HIVEP1: variants seen among roughly 807,000 people sequenced by gnomAD.
The protein encoded by HIVEP1 is HIVEP zinc finger 1.
Under a neutral mutation model 180.0 loss-of-function variants are expected in HIVEP1, and 36 were observed. The observed-to-expected ratio is 0.20, with a 90% confidence interval of 0.15 to 0.26. The LOEUF (loss-of-function observed/expected upper bound fraction) is 0.26, where lower values mean the gene tolerates loss of function less well. Ranked by LOEUF, HIVEP1 falls within the 10% of genes least tolerant of loss-of-function variation. The probability of loss-of-function intolerance (pLI) is 1.00; values close to 1 mark genes in which losing one functional copy is unlikely to be tolerated. For missense variants in HIVEP1, 3,143 were observed against 3,268.7 expected, an observed-to-expected ratio of 0.96 and a Z score of 0.94; for synonymous variants, 1,239 against 1,239.0, an observed-to-expected ratio of 1.00 and a Z score of 0.00.
At chr6:12,085,496 T>A (rs1439906738) in intron 2 of HIVEP1, among the ~76,000 whole-genome samples, 1 of 152,172 alleles carries the variant, frequency 6.6e-6, no homozygotes, top group Non-Finnish European at 1.5e-5. Flanking sequence ...CAAATTGATA[T>A]TAAAATGATT....
chr6:12,099,348 A>G (rs1053960255), intron 3 of HIVEP1, among the ~76,000 whole-genome samples: 4 of 151,928 alleles, frequency 2.6e-5, no homozygotes, highest in African/African-American at 9.7e-5. Context: ...TTGTAGTTTT[A>G]GTAGAGACGG....
In HIVEP1 at chr6:12,163,948, C is replaced by T. The variant is rs1251298232; in HGVS notation, c.7644C>T (p.Asn2548=). Residue 2548 remains asparagine, a synonymous_variant, in exon 9 of 9, where the codon AAC becomes AAT. Transcript: ENST00000379388. ...ACATTCCAGGTCTCCAGATCTTGAACATAGCATTGCCCACCTTAATCCCCT... is the reference window on the plus strand; with the variant it reads ...ACATTCCAGGTCTCCAGATCTTGAATATAGCATTGCCCACCTTAATCCCCT... ...QAHIPGLQIL[N]IALPTLIPSV... 6.2e-7 allele frequency: 1 copy of T among 1,614,156 alleles called. No homozygotes were observed. Among genetic ancestry groups the T allele is most frequent in the East Asian group, 2.2e-5 (1 of 44,868 alleles).
At chr6:12,070,533 G>T (rs1467982332) in intron 2 of HIVEP1, among the ~76,000 whole-genome samples, 7 of 152,052 alleles carry the variant, frequency 4.6e-5, no homozygotes, top group African/African-American at 1.7e-4. Context: ...CTACTAAAAA[G>T]AATTTTTCAA....
At position 12,163,516 on chromosome 6, in the gene HIVEP1, C is replaced by T; in HGVS notation, c.7212C>T (p.Ile2404=). The change falls in exon 9 of 9, where the codon ATC becomes ATT. Residue 2404 remains isoleucine, a synonymous_variant. Transcript: ENST00000379388. ...ATAATATGGTTCCAGTTGGGGGGAT[C>T]CATGTGGTACCTGCTGGCCTCACAT... ...TPYNMVPVGG[I]HVVPAGLTYS... The T allele has an allele frequency of 1.2e-6, 2 of 1,614,190 alleles. No homozygotes were observed. Among genetic ancestry groups the T allele is most frequent in the Non-Finnish European group, 8.5e-7 (1 of 1,180,026 alleles).
chr6:12,210,803 G>A, the HIVEP1 span, among the ~76,000 whole-genome samples: 1 of 152,114 alleles, frequency 6.6e-6, no homozygotes. Context: ...CAGAAAAAAA[G>A]AAGAAACAGC....
chr6:12,124,519 C>G lies in HIVEP1; in HGVS notation c.4724C>G (p.Ser1575Cys). 2 of 1,614,156 alleles carry G rather than the reference C, an allele frequency of 1.2e-6. No homozygotes were observed. The highest frequency in any genetic ancestry group is 1.7e-6 in the Non-Finnish European group (2 of 1,180,012). The change falls in exon 4 of 9, where the codon TCT becomes TGT. Residue 1575 changes from serine to cysteine, a missense_variant. Ser to Cys is a moderately radical substitution (Grantham distance 112). Transcript: ENST00000379388. ...QVFTSGPSCS[S>C]NPVHSLPNQV... ...TTCACTTCAGGCCCATCTTGCTCTT[C>G]TAATCCTGTGCATTCTTTGCCAAAT...
At position 12,121,942 on chromosome 6, in the gene HIVEP1, C is replaced by G; in HGVS notation, c.2147C>G (p.Thr716Arg). Residue 716 changes from threonine to arginine, a missense_variant, in exon 4 of 9, where the codon ACG (threonine) becomes AGG (arginine). Coordinates refer to ENST00000379388, the MANE Select transcript of HIVEP1 (RefSeq NM_002114.4). The surrounding 1 kb of genome is among the most constrained non-coding windows in gnomAD (Gnocchi z 5.3). The stretch of plus-strand genomic sequence containing the variant: ...GGACCCTCTGCAGCTCTTGTCACCA[C>G]GTCAACACCCTCTGCTTTGCCCACA... Reference protein sequence around the residue: ...SNGPSAALVTTSTPSALPTGE... With the variant: ...SNGPSAALVTRSTPSALPTGE... 1 of 1,614,152 alleles carries G rather than the reference C, an allele frequency of 6.2e-7. No homozygotes were observed. Among genetic ancestry groups the G allele is most frequent in the Non-Finnish European group, 8.5e-7 (1 of 1,180,012 alleles).
intron 7 of HIVEP1, among the ~76,000 whole-genome samples, chr6:12,144,064 C>T (rs532490677): frequency 2.6e-5 from 4 of 152,174 alleles, no homozygotes; most frequent in Non-Finnish European, 5.9e-5. Context: ...AAACAGCCCA[C>T]GTTGCCAAGA....
intron 3 of HIVEP1, among the ~76,000 whole-genome samples, chr6:12,098,321 CTG>C (rs2113377568): frequency 6.6e-6 from 1 of 152,286 alleles, no homozygotes; most frequent in South Asian, 2.1e-4. Flanking sequence ...TCCCTGAGGA[CTG>C]TGAAAAACAA....
At chr6:12,114,498 C>T (rs1264906396) in intron 3 of HIVEP1, among the ~76,000 whole-genome samples, 1 of 151,994 alleles carries the variant, frequency 6.6e-6, no homozygotes, top group African/African-American at 2.4e-5. Flanking sequence ...TCATGTCAGA[C>T]CTCCCCTCTC....
intron 2 of HIVEP1, among the ~76,000 whole-genome samples, chr6:12,018,888 A>G (rs1768008805): frequency 6.6e-6 from 1 of 152,236 alleles, no homozygotes; most frequent in African/African-American, 2.4e-5. Flanking sequence ...AGGAGGAATC[A>G]GATCAGGAAA....
chr6:12,195,113 A>C, the HIVEP1 span, among the ~76,000 whole-genome samples: 1 of 152,228 alleles, frequency 6.6e-6, no homozygotes, highest in African/African-American at 2.4e-5. Flanking sequence ...AGTTGTTAGA[A>C]ATACGTTTTC....
intron 2 of HIVEP1, among the ~76,000 whole-genome samples, chr6:12,052,788 A>G (rs1017493296): frequency 6.6e-6 from 1 of 152,210 alleles, no homozygotes; most frequent in Non-Finnish European, 1.5e-5. Flanking sequence ...TTGTCTTAAA[A>G]TGAAGTCTGA....
chr6:12,071,872 A>G lies in HIVEP1; in HGVS notation c.41-17312A>G, dbSNP rs968289358. On this transcript the variant is annotated intron_variant, in intron 2 of 8. Transcript: ENST00000379388. ...ATTTTTTGTAATCTGTTTTATTTAT[A>G]CATATACTGTAAATGCTTTAATTCA... is the stretch of plus-strand genomic sequence containing the variant. 2.0e-5 allele frequency among the ~76,000 whole-genome samples: 3 copies of G among 152,192 alleles called. No homozygotes were observed. The South Asian group carries it at 6.2e-4, about 31-fold the overall frequency.
At chr6:12,110,210 T>A (rs544891593) in intron 3 of HIVEP1, among the ~76,000 whole-genome samples, 26 of 152,344 alleles carry the variant, frequency 1.7e-4, no homozygotes, top group Admixed American at 1.5e-3. Flanking sequence ...AAGGGTCTTA[T>A]GGATTTTCAG....
At chr6:12,186,547 T>TTA in the HIVEP1 span, among the ~76,000 whole-genome samples, 1 of 140,736 alleles carries the variant, frequency 7.1e-6, no homozygotes, top group African/African-American at 2.6e-5. Context: ...ATCAAATTGT[T>TTA]AAAAAAAAAA....
chr6:12,090,260 T>G (rs1342895961), intron 3 of HIVEP1, among the ~76,000 whole-genome samples: 1 of 152,172 alleles, frequency 6.6e-6, no homozygotes, highest in Admixed American at 6.5e-5. Flanking sequence ...GATTTATTAT[T>G]TATTTTGCCT....
At chr6:12,021,222 T>C (rs539684764) in intron 2 of HIVEP1, among the ~76,000 whole-genome samples, 2 of 152,318 alleles carry the variant, frequency 1.3e-5, no homozygotes, top group East Asian at 1.9e-4. Context: ...CACTGAGGAA[T>C]GTGATCAGAT....
chr6:12,046,921 C>T (rs1317378452), intron 2 of HIVEP1, among the ~76,000 whole-genome samples: 5 of 149,782 alleles, frequency 3.3e-5, no homozygotes, highest in South Asian at 2.1e-4. Context: ...AGTGCAGTGG[C>T]GTGACCTTGG....
Sources: allele counts gnomAD v4.1 joint callset (sites outside exome capture counted in the v4.1 genomes callset), GRCh38; gene constraint gnomAD v4.1.1; non-coding constraint Gnocchi (gnomAD v3.1); transcripts MANE v1.5; gene names NCBI Gene and HGNC (gene_info 2026-07-23, HGNC 2026-07-21).